SCN11A: variants seen among roughly 807,000 people sequenced by gnomAD.
SCN11A encodes the protein sodium voltage-gated channel alpha subunit 11.
SCN11A carries 122 observed loss-of-function variants against 162.2 expected under a neutral mutation model. That is an observed-to-expected ratio of 0.75 (90% CI 0.65 to 0.87). The LOEUF (loss-of-function observed/expected upper bound fraction) is 0.87, where lower values mean the gene tolerates loss of function less well. Among genes scored for constraint, SCN11A ranks in the 40% least tolerant of loss-of-function variants. SCN11A has a pLI of 0.00. For synonymous variants in SCN11A, 758 were observed against 751.5 expected, an observed-to-expected ratio of 1.01 and a Z score of -0.14; for missense variants, 2,015 against 2,181.6, an observed-to-expected ratio of 0.92 and a Z score of 1.52.
intron 28 of SCN11A, among the ~76,000 whole-genome samples, chr3:38,862,852 A>G (rs1019388694): frequency 3.9e-5 from 6 of 152,072 alleles, no homozygotes; most frequent in Non-Finnish European, 8.8e-5. Flanking sequence ...GAACTTACAC[A>G]TGGAACCAAA....
At chr3:38,907,835 G>T in intron 14 of SCN11A, 114 bp downstream of exon 14, 1 of 894,990 alleles carries the variant, frequency 1.1e-6, no homozygotes, top group Non-Finnish European at 1.7e-6. Flanking sequence ...ATGTGCAAAT[G>T]GATGAATGAA....
At chr3:38,987,312 CA>C in intron 2 of SCN11A, among the ~76,000 whole-genome samples, 1 of 97,718 alleles carries the variant, frequency 1.0e-5, no homozygotes, top group Admixed American at 8.8e-5. Flanking sequence ...CTCACACACA[CA>C]CACACACACA....
chr3:38,955,155 G>A (rs2066666648), intron 3 of SCN11A, among the ~76,000 whole-genome samples: 2 of 152,166 alleles, frequency 1.3e-5, no homozygotes, highest in East Asian at 1.9e-4. Context: ...AGGTGTGGTG[G>A]CGTGTGCCTG....
chr3:38,959,170 A>G (rs1349225195), intron 3 of SCN11A, among the ~76,000 whole-genome samples: 1 of 152,206 alleles, frequency 6.6e-6, no homozygotes, highest in Non-Finnish European at 1.5e-5. Context: ...GGGCTAAACA[A>G]AGGGGCAAAT....
chr3:38,950,795 G>T (rs1444216078), intron 4 of SCN11A, among the ~76,000 whole-genome samples: 2 of 152,204 alleles, frequency 1.3e-5, no homozygotes, highest in Non-Finnish European at 2.9e-5. Context: ...GGAATTGACT[G>T]GGCCATAGTT....
intron 1 of SCN11A, among the ~76,000 whole-genome samples, chr3:39,042,783 C>A (rs1222149961): frequency 1.3e-5 from 2 of 151,506 alleles, no homozygotes; most frequent in South Asian, 2.1e-4. Context: ...CATGGAGAAA[C>A]CCTGTCTCTA....
rs1175291772 is a variant in SCN11A at position 39,040,951 on chromosome 3, G to A, written c.-403-8448C>T. On this transcript the variant is annotated intron_variant, in intron 1 of 29. Coordinates refer to ENST00000302328, the MANE Select transcript of SCN11A (RefSeq NM_001349253.2). ...AAAAAAATTAGCCAGGCATGGTGGC[G>A]GGTGCCTGTAGTCCCAGCTACTCGG... 3.3e-5 allele frequency among the ~76,000 whole-genome samples: 5 copies of A among 152,154 alleles called. No homozygotes were observed. In the South Asian group the frequency reaches 6.2e-4, roughly 19 times the overall value.
At chr3:39,012,788 T>C (rs1201158307) in intron 2 of SCN11A, among the ~76,000 whole-genome samples, 1 of 152,218 alleles carries the variant, frequency 6.6e-6, no homozygotes, top group Non-Finnish European at 1.5e-5. Flanking sequence ...ATCATTTTCT[T>C]TACATGAAAA....
intron 1 of SCN11A, among the ~76,000 whole-genome samples, chr3:39,042,825 C>T (rs1376154226): frequency 6.6e-5 from 10 of 151,390 alleles, no homozygotes; most frequent in Admixed American, 2.6e-4. Context: ...GGCTTGGTGG[C>T]GCATACCTGT....
At chr3:38,863,071 GAC>G (rs2064989562) in intron 28 of SCN11A, 122 bp downstream of exon 28, 2 of 651,554 alleles carry the variant, frequency 3.1e-6, no homozygotes, top group South Asian at 3.6e-5. Flanking sequence ...AATATGTCTT[GAC>G]TTCTGTTGAG....
intron 2 of SCN11A, among the ~76,000 whole-genome samples, chr3:38,969,472 G>A (rs998362695): frequency 1.3e-5 from 2 of 152,142 alleles, no homozygotes; most frequent in African/African-American, 4.8e-5. Context: ...CCCTCCTTAG[G>A]GAACACAGGG....
intron 7 of SCN11A, among the ~76,000 whole-genome samples, chr3:38,943,901 C>T (rs562639981): frequency 2.6e-5 from 4 of 152,152 alleles, no homozygotes; most frequent in Non-Finnish European, 5.9e-5. Context: ...TTCAATAGCA[C>T]AGTGGGATGA....
intron 2 of SCN11A, among the ~76,000 whole-genome samples, chr3:38,992,094 C>A (rs2030470168): frequency 6.6e-6 from 1 of 152,210 alleles, no homozygotes. Context: ...CAGGCATGAG[C>A]CACCATGCCT....
At chr3:38,914,464 T>G (rs1377629222) in intron 11 of SCN11A, among the ~76,000 whole-genome samples, 2 of 152,172 alleles carry the variant, frequency 1.3e-5, no homozygotes, top group Non-Finnish European at 2.9e-5. Flanking sequence ...TCTCTTCCTA[T>G]TTGGATGCCC....
At chr3:38,854,367 A>C (rs1575209013) in intron 28 of SCN11A, among the ~76,000 whole-genome samples, 1 of 152,356 alleles carries the variant, frequency 6.6e-6, no homozygotes, top group African/African-American at 2.4e-5. Flanking sequence ...TGTAAAGTGG[A>C]AGTAAGTATG....
In SCN11A at chr3:38,925,610, A is replaced by G; in HGVS notation, c.618-101T>C. 3.8e-6 allele frequency: 3 copies of G among 796,952 alleles called. 1 individual carries two copies. The highest frequency in any genetic ancestry group is 6.4e-6 in the Non-Finnish European group (3 of 472,146). 49.4% of individuals were successfully genotyped at this position (796,952 alleles called of 1,614,324 possible). On this transcript the variant is annotated intron_variant, in intron 8 of 29. Transcript: ENST00000302328. ...AAGTAAGCTCAGCCTGAGGCCTGTG[A>G]CCTCCAAGGTGAAATCGACAGCCTC...
At chr3:38,854,504 G>C (rs1028184322) in intron 28 of SCN11A, among the ~76,000 whole-genome samples, 2 of 152,172 alleles carry the variant, frequency 1.3e-5, no homozygotes, top group Admixed American at 6.5e-5. Context: ...CGTGCATCTC[G>C]CACTTGGATG....
chr3:39,003,426 T>C lies in SCN11A; in HGVS notation c.-280+28954A>G, dbSNP rs190711513. Among the ~76,000 whole-genome samples the C allele has an allele frequency of 1.9e-3, 284 of 152,352 alleles. 1 individual carries two copies. Among genetic ancestry groups the C allele is most frequent in the African/African-American group, 6.6e-3 (276 of 41,580 alleles). Reference sequence around the variant, plus strand: ...TGTACCAGATTTTCTTTATCCAATCTGTCATTGATGGGCATTTGGGTTGAT... The same window carrying C: ...TGTACCAGATTTTCTTTATCCAATCCGTCATTGATGGGCATTTGGGTTGAT... On this transcript the variant is annotated intron_variant, in intron 2 of 29. Transcript: ENST00000302328.
intron 14 of SCN11A, among the ~76,000 whole-genome samples, chr3:38,907,201 T>C (rs905313103): frequency 2.6e-5 from 4 of 151,858 alleles, no homozygotes; most frequent in Admixed American, 2.0e-4. Context: ...TCAAATCCTG[T>C]CTTCCTTAGT....
Sources: gnomAD v4.1 joint callset for allele counts (sites outside exome capture counted in the v4.1 genomes callset) on GRCh38, gnomAD v4.1.1 for gene constraint, MANE v1.5 for transcripts, NCBI Gene and HGNC (gene_info 2026-07-23, HGNC 2026-07-21) for gene names.